PRKAG2: variants seen among roughly 807,000 people sequenced by gnomAD.
The protein encoded by PRKAG2 is protein kinase AMP-activated non-catalytic subunit gamma 2, also known as 5'-AMP-activated protein kinase subunit gamma-2.
In PRKAG2, 26 loss-of-function variants were observed where a neutral mutation model predicts 69.6. The observed-to-expected ratio is 0.37, with a 90% CI of 0.27 to 0.52. The LOEUF (loss-of-function observed/expected upper bound fraction) is 0.52. PRKAG2 is among the 20% of genes least tolerant of loss of function. The pLI, the probability that PRKAG2 is intolerant of heterozygous loss-of-function variation, is 0.90. For missense variants in PRKAG2, 557 were observed against 740.0 expected (o/e 0.75, Z 2.87); for synonymous variants, 293 against 285.0 (o/e 1.03, Z -0.28).
At chr7:151,736,216 C>A (rs1306682455) in intron 3 of PRKAG2, 5 of 1,393,794 alleles carry the variant, frequency 3.6e-6, no homozygotes, top group Non-Finnish European at 4.7e-6. Flanking sequence ...GTCTGTGAGG[C>A]GCCAGGGAGT....
chr7:151,726,586 C>G (rs116088319), intron 3 of PRKAG2, among the ~76,000 whole-genome samples: 1 of 152,088 alleles, frequency 6.6e-6, no homozygotes, highest in South Asian at 2.1e-4. Flanking sequence ...ACGCAGGAGT[C>G]GTTGTCTGGG....
intron 3 of PRKAG2, among the ~76,000 whole-genome samples, chr7:151,761,943 G>A (rs1232856637): frequency 4.6e-5 from 7 of 152,190 alleles, no homozygotes; most frequent in Admixed American, 2.6e-4. Context: ...GGGGACGCAC[G>A]TTTTTCTTAA....
rs1463035887 is a variant in PRKAG2 at position 151,874,121 on chromosome 7, G to C, written c.114+2386C>G. Among the ~76,000 whole-genome samples the C allele has an allele frequency of 4.3e-5, 6 of 141,174 alleles. No individual in the cohort carries two copies. The East Asian group carries it at 1.2e-3, about 29-fold the overall frequency. 92.6% of individuals were successfully genotyped at this position (141,174 alleles called of 152,430 possible). A position where few individuals can be genotyped will look rare whatever the true frequency, so the allele number is the denominator to read the frequency against. On this transcript the variant is annotated intron_variant, in intron 1 of 15. Coordinates refer to ENST00000287878, the MANE Select transcript of PRKAG2 (RefSeq NM_016203.4). ...ATATGTATATGATGTATATGTATAT[G>C]TATATGATGTATATGTATATATGTA...
At chr7:151,829,607 A>C (rs1451616474) in intron 1 of PRKAG2, among the ~76,000 whole-genome samples, 1 of 152,062 alleles carries the variant, frequency 6.6e-6, no homozygotes. Context: ...AATAGCCAAA[A>C]GGCGGAAACA....
At chr7:151,801,494 GCCTCAGAATGTCTGGAGCTGGGGGAC>G (rs2077836189) in intron 1 of PRKAG2, among the ~76,000 whole-genome samples, 1 of 152,216 alleles carries the variant, frequency 6.6e-6, no homozygotes. Flanking sequence ...GCACCAGGCA[GCCTCAGAATGTCTGGAGCTGGGGGAC>G]CCCTCACAGG....
At position 151,876,686 on chromosome 7, in the gene PRKAG2, G is replaced by A. The variant is rs2080414139; in HGVS notation, c.-66C>T. On this transcript the variant is annotated 5_prime_UTR_variant, in exon 1 of 16. Transcript: ENST00000287878. Reference sequence around the variant, plus strand: ...TTCGGTCCCCTCCTTCCCTCCCCCGGCCGCTGCCTTCGGACTGGAGCCGCG... The same window carrying A: ...TTCGGTCCCCTCCTTCCCTCCCCCGACCGCTGCCTTCGGACTGGAGCCGCG... 1 of 1,489,518 alleles carries A rather than the reference G, an allele frequency of 6.7e-7. No individual in the cohort carries two copies. The highest frequency in any genetic ancestry group is 9.2e-7 in the Non-Finnish European group (1 of 1,083,712). The allele number at this position is 1,489,518 out of a possible 1,614,324, so 92.3% of individuals were successfully genotyped here.
At position 151,632,471 on chromosome 7, in the gene PRKAG2, C is replaced by T. The variant is rs867772589; in HGVS notation, c.685-333G>A. ...GCTCGAGGGCGGCAGCGCCTGGGCCCGGGGCGCCCCCCTCCGGCCGTGGCC... is the reference window on the plus strand; with the variant it reads ...GCTCGAGGGCGGCAGCGCCTGGGCCTGGGGCGCCCCCCTCCGGCCGTGGCC... On this transcript the variant is annotated intron_variant, in intron 4 of 15. Transcript: ENST00000287878. This position sits in a 1 kb window ranked among gnomAD's most constrained non-coding sequence, Gnocchi z 4.2. 2.3e-5 allele frequency: 17 copies of T among 755,216 alleles called. No individual in the cohort carries two copies. Among genetic ancestry groups the T allele is most frequent in the South Asian group, 6.0e-5 (1 of 16,734 alleles). The allele number at this position is 755,216 out of a possible 1,614,324, so 46.8% of individuals were successfully genotyped here.
intron 1 of PRKAG2, among the ~76,000 whole-genome samples, chr7:151,860,421 C>A (rs1474809940): frequency 6.6e-6 from 1 of 152,202 alleles, no homozygotes; most frequent in Non-Finnish European, 1.5e-5. Flanking sequence ...GGCATCCACG[C>A]CTGTACTGGT....
At chr7:151,615,018 G>A (rs375661504) in intron 5 of PRKAG2, among the ~76,000 whole-genome samples, 3 of 151,952 alleles carry the variant, frequency 2.0e-5, no homozygotes, top group Admixed American at 6.6e-5. Flanking sequence ...AGGGAACCCC[G>A]AGACAGAAGC....
intron 5 of PRKAG2, among the ~76,000 whole-genome samples, chr7:151,600,357 A>G (rs1815749786): frequency 6.6e-6 from 1 of 152,230 alleles, no homozygotes; most frequent in Non-Finnish European, 1.5e-5. Flanking sequence ...AGTGTTAAAC[A>G]AGTGATACTA....
chr7:151,874,070 G>A (rs1045474156), intron 1 of PRKAG2, among the ~76,000 whole-genome samples: 3 of 129,828 alleles, frequency 2.3e-5, no homozygotes, highest in African/African-American at 5.5e-5. Flanking sequence ...ATATGTATAT[G>A]ATGTATATGT....
intron 4 of PRKAG2, among the ~76,000 whole-genome samples, chr7:151,641,244 C>CTTTTTTTTTTTTTTTTTTTT (rs374667332): frequency 5.7e-5 from 6 of 105,688 alleles, no homozygotes; most frequent in East Asian, 7.0e-4. Context: ...TTCTTTTTTC[C>CTTTTTTTTTTTTTTTTTTTT]TTTTTTTTTT....
At position 151,811,232 on chromosome 7, in the gene PRKAG2, T is replaced by A. The variant is rs116506783; in HGVS notation, c.115-24691A>T. Among the ~76,000 whole-genome samples, 380 of 152,318 alleles carry A rather than the reference T, an allele frequency of 2.5e-3. 6 individuals carry two copies. The highest frequency in any genetic ancestry group is 8.9e-3 in the African/African-American group (370 of 41,584). On this transcript the variant is annotated intron_variant, in intron 1 of 15. Transcript: ENST00000287878. ...GCCAGGACAGGCCACGGCTGACGGCTCACCTGAAGAGAGGGACCTGCTATT... is the reference window on the plus strand; with the variant it reads ...GCCAGGACAGGCCACGGCTGACGGCACACCTGAAGAGAGGGACCTGCTATT...
intron 1 of PRKAG2, among the ~76,000 whole-genome samples, chr7:151,819,439 C>T (rs987609802): frequency 4.6e-5 from 7 of 152,196 alleles, no homozygotes; most frequent in Non-Finnish European, 8.8e-5. Context: ...CACCTCCAGT[C>T]GCTAGAGACT....
At chr7:151,576,286 T>G in intron 7 of PRKAG2, 85 bp downstream of exon 7, 1 of 1,243,064 alleles carries the variant, frequency 8.0e-7, no homozygotes, top group Non-Finnish European at 1.2e-6. Flanking sequence ...TAGGTTGAAT[T>G]CCAAACCGGC....
chr7:151,700,417 A>T (rs1417920923), intron 3 of PRKAG2, among the ~76,000 whole-genome samples: 1 of 151,586 alleles, frequency 6.6e-6, no homozygotes, highest in East Asian at 1.9e-4. Context: ...CTTTGACAAG[A>T]CTCTTCAGTG....
intron 3 of PRKAG2, among the ~76,000 whole-genome samples, chr7:151,686,403 A>T (rs565433724): frequency 6.6e-6 from 1 of 152,252 alleles, no homozygotes; most frequent in Middle Eastern, 3.4e-3. Flanking sequence ...TCTATGGAAG[A>T]GCAAATTCCC....
intron 3 of PRKAG2, among the ~76,000 whole-genome samples, chr7:151,737,297 G>C (rs2073499472): frequency 6.7e-6 from 1 of 150,162 alleles, no homozygotes; most frequent in African/African-American, 2.5e-5. Flanking sequence ...CTTGAGCCTA[G>C]GAGTTCAAGA....
At chr7:151,662,730 ATC>A (rs964312482) in intron 4 of PRKAG2, among the ~76,000 whole-genome samples, 2 of 151,516 alleles carry the variant, frequency 1.3e-5, no homozygotes, top group Admixed American at 6.6e-5. Context: ...GGGAGAACCT[ATC>A]TCTTCAACAA....
Sources: allele counts gnomAD v4.1 joint callset (sites outside exome capture counted in the v4.1 genomes callset), GRCh38; gene constraint gnomAD v4.1.1; non-coding constraint Gnocchi (gnomAD v3.1); transcripts MANE v1.5; gene names NCBI Gene and HGNC (gene_info 2026-07-23, HGNC 2026-07-21).